Variants in TNRC6C observed in about 807,000 individuals in gnomAD.
TNRC6C encodes trinucleotide repeat containing adaptor 6C, also known as trinucleotide repeat-containing gene 6C protein.
TNRC6C carries 20 observed loss-of-function variants against 153.7 expected under a neutral mutation model. That is an observed-to-expected ratio of 0.13 (90% CI 0.09 to 0.19). The LOEUF (loss-of-function observed/expected upper bound fraction) is 0.19. Among genes scored for constraint, TNRC6C ranks in the 10% least tolerant of loss-of-function variants. The probability of loss-of-function intolerance (pLI) is 1.00; values close to 1 mark genes in which losing one functional copy is unlikely to be tolerated. For synonymous variants in TNRC6C, 811 were observed against 841.4 expected, an observed-to-expected ratio of 0.96 and a Z score of 0.63; for missense variants, 1,987 against 2,172.0, an observed-to-expected ratio of 0.91 and a Z score of 1.69.
At chr17:78,073,769 C>T (rs116321347) in intron 7 of TNRC6C, among the ~76,000 whole-genome samples, 61 of 152,182 alleles carry the variant, frequency 4.0e-4, no homozygotes, top group African/African-American at 1.4e-3. Context: ...TTTCAAGACA[C>T]CTTATTTAAT....
chr17:78,062,086 T>A (rs1221723561), intron 3 of TNRC6C, among the ~76,000 whole-genome samples: 1 of 152,206 alleles, frequency 6.6e-6, no homozygotes, highest in Non-Finnish European at 1.5e-5. Context: ...CCTTGATAAT[T>A]TTTATTAGCT....
chr17:78,017,721 G>T (rs1224269733), intron 1 of TNRC6C, among the ~76,000 whole-genome samples: 1 of 152,196 alleles, frequency 6.6e-6, no homozygotes, highest in African/African-American at 2.4e-5. Context: ...TCCTTCCAGG[G>T]TCTCTGCCTA....
In TNRC6C at chr17:78,075,286, T is replaced by C; in HGVS notation, c.3060+8T>C. The C allele has an allele frequency of 6.4e-7, 1 of 1,574,530 alleles. No individual in the cohort carries two copies. The highest frequency in any genetic ancestry group is 8.6e-7 in the Non-Finnish European group (1 of 1,158,724). The stretch of plus-strand genomic sequence containing the variant: ...CCCACCTTTCTTGACAAGGTATGAA[T>C]ATAGGTGGTTTGTTGTTTTTGCTTT... On this transcript the variant is annotated splice_region_variant and intron_variant, in intron 8 of 19. Transcript: ENST00000301624. The surrounding 1 kb of genome is among the most constrained non-coding windows in gnomAD (Gnocchi z 4.2).
At chr17:78,093,353 G>T in intron 15 of TNRC6C, 1 of 667,286 alleles carries the variant, frequency 1.5e-6, no homozygotes. Flanking sequence ...AGTGGAAGGG[G>T]TGGCAGGGAG....
At chr17:78,106,711 A>G (rs2073703595) in exon 20 of TNRC6C, 1 of 152,048 alleles carries the variant, frequency 6.6e-6, no homozygotes, top group Non-Finnish European at 1.5e-5. Flanking sequence ...TTTAAAAATG[A>G]TCAATGTTTT....
At chr17:78,031,531 A>G in exon 2 of TNRC6C, 1 of 1,232,224 alleles carries the variant, frequency 8.1e-7, no homozygotes, top group Non-Finnish European at 1.0e-6. Flanking sequence ...GAACCTACTA[A>G]GACCTGTTCA....
chr17:78,048,008 A>G (rs762139041), intron 2 of TNRC6C, among the ~76,000 whole-genome samples: 1 of 152,228 alleles, frequency 6.6e-6, no homozygotes, highest in Non-Finnish European at 1.5e-5. Flanking sequence ...ATATAAAGTT[A>G]TTCTAGGGAT....
At chr17:78,006,536 T>C (rs1462677460) in intron 1 of TNRC6C, among the ~76,000 whole-genome samples, 1 of 141,682 alleles carries the variant, frequency 7.1e-6, no homozygotes, top group African/African-American at 2.8e-5. Context: ...TTCTTCTTCT[T>C]CTTCTTCTTC....
At chr17:78,013,593 T>C (rs1009033033) in intron 1 of TNRC6C, among the ~76,000 whole-genome samples, 7 of 152,190 alleles carry the variant, frequency 4.6e-5, no homozygotes, top group African/African-American at 1.7e-4. Context: ...CTGAGTCTTA[T>C]GAGGAATGGA....
chr17:77,958,221 C>CG (rs1284205043), upstream of TNRC6C, among the ~76,000 whole-genome samples: 18 of 152,106 alleles, frequency 1.2e-4, no homozygotes, highest in East Asian at 3.5e-3. Flanking sequence ...GGCGCTGGCC[C>CG]GGAGAACCCA....
chr17:78,006,549 CTTCTTCTTCTTCCTTCTTCCTTCTTCCTT>C lies in TNRC6C; in HGVS notation c.-546+1471_-546+1499del, dbSNP rs1567910956. ...TCTTCTTCTTCTTCTTCTTCTTCTT[CTTCTTCTTCTTCCTTCTTCCTTCTTCCTT>C]CTTCTTCCTTCTTCCTTCTTCCTCC... is the stretch of plus-strand genomic sequence containing the variant. On this transcript the variant is annotated intron_variant, in intron 1 of 19. Transcript: ENST00000301624. Among the ~76,000 whole-genome samples, 54 of 95,118 alleles carry C rather than the reference CTTCTTCTTCTTCCTTCTTCCTTCTTCCTT, an allele frequency of 5.7e-4. 1 individual carries two copies. The highest frequency in any genetic ancestry group is 2.2e-3 in the African/African-American group (49 of 21,820). 62.4% of individuals were successfully genotyped at this position (95,118 alleles called of 152,430 possible). A position where few individuals can be genotyped will look rare whatever the true frequency, so the allele number is the denominator to read the frequency against.
chr17:78,012,211 C>T (rs1218193856), intron 1 of TNRC6C, among the ~76,000 whole-genome samples: 1 of 152,130 alleles, frequency 6.6e-6, no homozygotes, highest in Non-Finnish European at 1.5e-5. Flanking sequence ...AAATATTAGT[C>T]ACATTTTGCT....
intron 2 of TNRC6C, among the ~76,000 whole-genome samples, chr17:78,045,163 G>A (rs1402115458): frequency 6.6e-6 from 1 of 152,200 alleles, no homozygotes; most frequent in African/African-American, 2.4e-5. Flanking sequence ...GCAGTAGGGG[G>A]CATGGGAAGA....
chr17:77,990,944 A>G (rs1298136133), intron 1 of TNRC6C, among the ~76,000 whole-genome samples: 4 of 152,236 alleles, frequency 2.6e-5, no homozygotes, highest in Non-Finnish European at 5.9e-5. Context: ...ATTGACATGC[A>G]TCTTACAGTC....
chr17:78,029,381 C>T (rs746170897), intron 1 of TNRC6C, among the ~76,000 whole-genome samples: 2 of 152,344 alleles, frequency 1.3e-5, no homozygotes, highest in Middle Eastern at 6.8e-3. Context: ...CAGCATGTTA[C>T]TATACTGAAT....
At chr17:78,016,633 C>T (rs1178961653) in intron 1 of TNRC6C, among the ~76,000 whole-genome samples, 14 of 152,172 alleles carry the variant, frequency 9.2e-5, no homozygotes, top group Non-Finnish European at 5.9e-5. Flanking sequence ...GTACAGCTGT[C>T]ATTACCTCTT....
intron 13 of TNRC6C, among the ~76,000 whole-genome samples, chr17:78,090,180 T>G (rs1490827808): frequency 6.6e-6 from 1 of 152,118 alleles, no homozygotes; most frequent in African/African-American, 2.4e-5. Context: ...ATTCAAAAAT[T>G]GGGGAAAGTG....
intron 1 of TNRC6C, among the ~76,000 whole-genome samples, chr17:78,028,779 A>G (rs2071998382): frequency 6.6e-6 from 1 of 152,260 alleles, no homozygotes. Context: ...CATTTTGTAC[A>G]TAGCTGTTTC....
intron 3 of TNRC6C, among the ~76,000 whole-genome samples, chr17:78,062,393 A>G (rs2072786484): frequency 6.6e-6 from 1 of 152,250 alleles, no homozygotes; most frequent in Admixed American, 6.5e-5. Flanking sequence ...TTTTAGTCAG[A>G]AAATTAATAC....
Sources: allele counts gnomAD v4.1 joint callset (sites outside exome capture counted in the v4.1 genomes callset), GRCh38; gene constraint gnomAD v4.1.1; non-coding constraint Gnocchi (gnomAD v3.1); transcripts MANE v1.5; gene names NCBI Gene and HGNC (gene_info 2026-07-23, HGNC 2026-07-21).